Variants in KLHL18 observed in about 807,000 individuals in gnomAD.
KLHL18 encodes kelch-like protein 18.
A neutral mutation model predicts 58.5 loss-of-function variants in KLHL18; 38 were observed. The ratio of observed to expected loss-of-function variants is 0.65; its 90% CI spans 0.50 to 0.85. The LOEUF is 0.85. Ranked by LOEUF, KLHL18 falls within the 40% of genes least tolerant of loss-of-function variation. The pLI is 0.00. For missense variants in KLHL18, 624 were observed against 778.4 expected, an observed-to-expected ratio of 0.80 and a Z score of 2.36; for synonymous variants, 303 against 301.9, an observed-to-expected ratio of 1.00 and a Z score of -0.04.
intron 1 of KLHL18, among the ~76,000 whole-genome samples, chr3:47,315,728 A>G (rs1212031727): frequency 6.6e-6 from 1 of 152,240 alleles, no homozygotes; most frequent in Non-Finnish European, 1.5e-5. Context: ...AACCTCTAAC[A>G]TAGAAGACAG....
At chr3:47,302,689 C>T (rs895070774) in intron 1 of KLHL18, among the ~76,000 whole-genome samples, 3 of 152,162 alleles carry the variant, frequency 2.0e-5, no homozygotes, top group Non-Finnish European at 2.9e-5. Context: ...CAGTTCAAGC[C>T]GGTGTCGTTC....
intron 1 of KLHL18, among the ~76,000 whole-genome samples, chr3:47,314,442 C>A (rs1401784010): frequency 6.6e-6 from 1 of 152,086 alleles, no homozygotes; most frequent in Non-Finnish European, 1.5e-5. Context: ...CAGTCCAGGA[C>A]CCCGCTAAGT....
chr3:47,289,482 C>T (rs921451257), intron 1 of KLHL18, among the ~76,000 whole-genome samples: 1 of 152,198 alleles, frequency 6.6e-6, no homozygotes, highest in African/African-American at 2.4e-5. Flanking sequence ...TTTGTTGTCA[C>T]CACTGGCTTT....
At chr3:47,342,657 T>C (rs1704133984) in intron 8 of KLHL18, 62 bp from the exon 9 acceptor site, 1 of 1,385,424 alleles carries the variant, frequency 7.2e-7, no homozygotes, top group Non-Finnish European at 1.0e-6. Context: ...TGCTAGGCTG[T>C]CTTGAGGGAA....
At chr3:47,303,244 T>C (rs923877587) in intron 1 of KLHL18, among the ~76,000 whole-genome samples, 1 of 152,196 alleles carries the variant, frequency 6.6e-6, no homozygotes, top group African/African-American at 2.4e-5. Flanking sequence ...TTCTCTCTAC[T>C]AGGGTTCTCT....
chr3:47,299,129 C>T (rs1404032626), intron 1 of KLHL18, among the ~76,000 whole-genome samples: 1 of 152,206 alleles, frequency 6.6e-6, no homozygotes, highest in African/African-American at 2.4e-5. Flanking sequence ...GTAGCGATAT[C>T]ATTTTGCATT....
intron 1 of KLHL18, among the ~76,000 whole-genome samples, chr3:47,316,913 A>G (rs1009663113): frequency 1.3e-5 from 2 of 151,740 alleles, no homozygotes; most frequent in Non-Finnish European, 2.9e-5. Context: ...ATTCAAGTCC[A>G]GCCTGGGGGA....
intron 1 of KLHL18, chr3:47,287,481 A>G (rs201347445): frequency 1.6e-5 from 2 of 128,338 alleles, no homozygotes; most frequent in African/African-American, 5.8e-5. Context: ...GTGTGTGTGT[A>G]TTTTTTTTTC....
rs527653037 is a variant in KLHL18 at position 47,321,966 on chromosome 3, G to GGATA, written c.261-594_261-591dup. ...GAAAGGGAGAAAGTGGAGGTGAGGAGGATAGATAGATGGAGAGGGACCAGA... is the reference window on the plus strand; with the variant it reads ...GAAAGGGAGAAAGTGGAGGTGAGGAGGATAGATAGATAGATGGAGAGGGACCAGA... On this transcript the variant is annotated intron_variant, in intron 2 of 9. Transcript: ENST00000232766. 2.4e-3 allele frequency among the ~76,000 whole-genome samples: 370 copies of GGATA among 152,102 alleles called. 3 individuals carry two copies. The highest frequency in any genetic ancestry group is 6.8e-3 in the Middle Eastern group (2 of 294).
At chr3:47,314,491 CTT>C in intron 1 of KLHL18, among the ~76,000 whole-genome samples, 1 of 148,214 alleles carries the variant, frequency 6.7e-6, no homozygotes, top group South Asian at 2.1e-4. Flanking sequence ...TGTTTTTTGT[CTT>C]TTTTTTTTTC....
intron 1 of KLHL18, among the ~76,000 whole-genome samples, chr3:47,288,066 C>G (rs1196741400): frequency 2.0e-5 from 3 of 151,746 alleles, no homozygotes; most frequent in South Asian, 2.1e-4. Flanking sequence ...ACTAAAAATA[C>G]AAAAATTAGC....
chr3:47,288,194 C>T (rs1454942595), intron 1 of KLHL18, among the ~76,000 whole-genome samples: 1 of 136,978 alleles, frequency 7.3e-6, no homozygotes, highest in East Asian at 2.2e-4. Flanking sequence ...GCACTCCAGC[C>T]TGGGGACAGA....
At chr3:47,306,401 A>G (rs1703149524) in intron 1 of KLHL18, among the ~76,000 whole-genome samples, 1 of 152,114 alleles carries the variant, frequency 6.6e-6, no homozygotes, top group Admixed American at 6.5e-5. Flanking sequence ...GAGAGGAAAC[A>G]TTTTTGACAT....
chr3:47,322,702 G>A lies in KLHL18; in HGVS notation c.395G>A (p.Arg132Gln), dbSNP rs749487214. The A allele has an allele frequency of 2.1e-5, 33 of 1,583,334 alleles. No homozygotes were observed. Among genetic ancestry groups the A allele is most frequent in the African/African-American group, 2.7e-5 (2 of 73,596 alleles). Residue 132 changes from arginine (R) to glutamine (Q), a missense_variant, in exon 3 of 10, where the codon CGA becomes CAA. Transcript: ENST00000232766. ...AAAGACGCCTGCTGCACATTCCTTC[G>A]AGAACGGTGAGGTGATGTGGTGGGC... The part of the protein sequence containing the change: ...SIKDACCTFL[R>Q]ERLHPKNCLG...
intron 3 of KLHL18, among the ~76,000 whole-genome samples, chr3:47,326,942 A>AGGAAGGT (rs1211232823): frequency 6.6e-6 from 1 of 151,798 alleles, no homozygotes; most frequent in Admixed American, 6.6e-5. Flanking sequence ...AAAAAAAAAA[A>AGGAAGGT]GGAAGGTGTG....
intron 2 of KLHL18, among the ~76,000 whole-genome samples, chr3:47,321,874 C>CA (rs1703597948): frequency 6.6e-6 from 1 of 152,076 alleles, no homozygotes; most frequent in Admixed American, 6.6e-5. Flanking sequence ...AAGAGCCCTC[C>CA]AAACAGGGAG....
intron 6 of KLHL18, among the ~76,000 whole-genome samples, chr3:47,335,852 T>C (rs552354346): frequency 6.6e-6 from 1 of 152,302 alleles, no homozygotes; most frequent in South Asian, 2.1e-4. Context: ...GGGTACTAGC[T>C]GCTGCTTGTT....
At chr3:47,333,400 A>G in intron 5 of KLHL18, 83 bp downstream of exon 5, 1 of 1,363,228 alleles carries the variant, frequency 7.3e-7, no homozygotes, top group Non-Finnish European at 1.0e-6. Context: ...AGTTCTGGAA[A>G]GAAAGCATTT....
intron 8 of KLHL18, 29 bp from the exon 9 acceptor site, chr3:47,342,690 T>G: frequency 6.3e-7 from 1 of 1,582,798 alleles, no homozygotes; most frequent in Non-Finnish European, 8.7e-7. Flanking sequence ...ATCTCATGCT[T>G]CCCCTCCTAT....
Sources: gnomAD v4.1 joint callset for allele counts (sites outside exome capture counted in the v4.1 genomes callset) on GRCh38, gnomAD v4.1.1 for gene constraint, MANE v1.5 for transcripts, NCBI Gene and HGNC (gene_info 2026-07-23, HGNC 2026-07-21) for gene names.